The following CNTN4 variants were observed in gnomAD, a reference collection of about 807,000 sequenced individuals.
CNTN4 encodes contactin 4, also known as contactin-4.
A neutral mutation model predicts 122.5 loss-of-function variants in CNTN4; 77 were observed. The ratio of observed to expected loss-of-function variants is 0.63; its 90% CI spans 0.52 to 0.76. The LOEUF (loss-of-function observed/expected upper bound fraction) is 0.76, where lower values mean the gene tolerates loss of function less well. Among genes scored for constraint, CNTN4 ranks in the 30% least tolerant of loss-of-function variants. The probability of loss-of-function intolerance (pLI) is 0.00; values close to 1 mark genes in which losing one functional copy is unlikely to be tolerated. For synonymous variants in CNTN4, 512 were observed against 447.0 expected (o/e 1.15, Z -1.83); for missense variants, 1,256 against 1,259.1 (o/e 1.00, Z 0.04).
At chr3:2,255,464 C>G (rs1227451071) in intron 2 of CNTN4, among the ~76,000 whole-genome samples, 1 of 152,134 alleles carries the variant, frequency 6.6e-6, no homozygotes, top group Non-Finnish European at 1.5e-5. Flanking sequence ...CTCTCCACCC[C>G]AAATCCACAG....
chr3:2,925,815 C>G (rs757030884), intron 13 of CNTN4, 36 bp downstream of exon 13: 33 of 1,566,196 alleles, frequency 2.1e-5, no homozygotes, highest in Non-Finnish European at 2.6e-5. Context: ...TTTGGTTAAC[C>G]TGTAAAAATG....
At chr3:2,949,740 T>C (rs1490420290) in intron 13 of CNTN4, among the ~76,000 whole-genome samples, 2 of 152,228 alleles carry the variant, frequency 1.3e-5, no homozygotes, top group African/African-American at 4.8e-5. Flanking sequence ...AGTTACCCCA[T>C]ATCTTTTCAA....
In CNTN4 at chr3:2,709,922, A is replaced by G. The variant is rs2087017636; in HGVS notation, c.56-26293A>G. Reference sequence around the variant, plus strand: ...CTCAAACATATAAATACAAAAAAAAAATAAGAATAAACTCCAAAGAGCATG... The same window carrying G: ...CTCAAACATATAAATACAAAAAAAAGATAAGAATAAACTCCAAAGAGCATG... On this transcript the variant is annotated intron_variant, in intron 4 of 24. Coordinates refer to ENST00000418658, the MANE Select transcript of CNTN4 (RefSeq NM_175607.3). This position sits in a 1 kb window ranked among gnomAD's most constrained non-coding sequence, Gnocchi z 5.0. Among the ~76,000 whole-genome samples the G allele has an allele frequency of 6.6e-6, 1 of 152,076 alleles. No homozygotes were observed. Among genetic ancestry groups the G allele is most frequent in the Admixed American group, 6.6e-5 (1 of 15,262 alleles).
rs114675575 is a variant in CNTN4 at position 2,558,392 on chromosome 3, G to A, written c.-88-13024G>A. Among the ~76,000 whole-genome samples, 332 of 152,098 alleles carry A rather than the reference G, an allele frequency of 2.2e-3. 4 individuals carry two copies. The highest frequency in any genetic ancestry group is 7.5e-3 in the African/African-American group (310 of 41,494). On this transcript the variant is annotated intron_variant, in intron 3 of 24. Coordinates refer to ENST00000418658, the MANE Select transcript of CNTN4 (RefSeq NM_175607.3). The stretch of plus-strand genomic sequence containing the variant: ...AGTCTGTGCCAGTTCCTGAGCCTTC[G>A]CCTGCCTTTTGTGATCCTGACACTT...
At chr3:2,706,548 TTATG>T (rs2086749762) in intron 4 of CNTN4, among the ~76,000 whole-genome samples, 1 of 152,112 alleles carries the variant, frequency 6.6e-6, no homozygotes, top group African/African-American at 2.4e-5. Context: ...TTTGCACACT[TTATG>T]TAATATTGGG....
At chr3:2,275,249 A>G (rs1021052617) in intron 2 of CNTN4, among the ~76,000 whole-genome samples, 3 of 152,180 alleles carry the variant, frequency 2.0e-5, no homozygotes, top group African/African-American at 4.8e-5. Context: ...CACTCTTTTC[A>G]TGTGGACTTT....
chr3:2,879,345 C>A (rs143448134), intron 8 of CNTN4, among the ~76,000 whole-genome samples: 1 of 152,268 alleles, frequency 6.6e-6, no homozygotes, highest in African/African-American at 2.4e-5. Context: ...CTGTCAACAC[C>A]TTTATTTATG....
intron 4 of CNTN4, among the ~76,000 whole-genome samples, chr3:2,599,879 T>C (rs891038613): frequency 6.6e-6 from 1 of 152,124 alleles, no homozygotes; most frequent in Non-Finnish European, 1.5e-5. Flanking sequence ...AAGCTTGAGT[T>C]ACTTATTAGC....
At chr3:2,330,492 G>C (rs912323958) in intron 2 of CNTN4, among the ~76,000 whole-genome samples, 1 of 152,088 alleles carries the variant, frequency 6.6e-6, no homozygotes, top group African/African-American at 2.4e-5. Flanking sequence ...AGATTCCAGG[G>C]ATTTTAGGAG....
At chr3:2,940,245 C>T (rs1200951796) in intron 13 of CNTN4, among the ~76,000 whole-genome samples, 2 of 152,110 alleles carry the variant, frequency 1.3e-5, no homozygotes, top group Non-Finnish European at 2.9e-5. Flanking sequence ...AACGGAGAAC[C>T]ACGAAATAGG....
At chr3:2,159,808 G>A (rs1353056155) in intron 2 of CNTN4, among the ~76,000 whole-genome samples, 2 of 151,524 alleles carry the variant, frequency 1.3e-5, no homozygotes, top group African/African-American at 2.4e-5. Context: ...TGAATAATAA[G>A]GTCAATTTGA....
At chr3:2,459,161 C>A (rs111366348) in intron 3 of CNTN4, among the ~76,000 whole-genome samples, 10 of 152,190 alleles carry the variant, frequency 6.6e-5, no homozygotes, top group African/African-American at 2.4e-4. Flanking sequence ...TGATCTGCCC[C>A]ATGGTGATGC....
intron 4 of CNTN4, among the ~76,000 whole-genome samples, chr3:2,572,529 G>C (rs2079470568): frequency 6.6e-6 from 1 of 152,230 alleles, no homozygotes; most frequent in Admixed American, 6.5e-5. Context: ...GCGGGAATTG[G>C]TTTGCAGCTT....
intron 2 of CNTN4, among the ~76,000 whole-genome samples, chr3:2,181,813 G>A (rs557933999): frequency 5.3e-5 from 8 of 152,108 alleles, no homozygotes; most frequent in South Asian, 4.1e-4. Flanking sequence ...ATAAATTCCC[G>A]GTCAGAGAAA....
At chr3:2,169,552 GCC>G (rs2036359004) in intron 2 of CNTN4, among the ~76,000 whole-genome samples, 1 of 150,956 alleles carries the variant, frequency 6.6e-6, no homozygotes, top group Non-Finnish European at 1.5e-5. Context: ...GACTACAGGC[GCC>G]GCCACCACGC....
At chr3:2,569,492 A>G (rs2079325961) in intron 3 of CNTN4, among the ~76,000 whole-genome samples, 1 of 152,194 alleles carries the variant, frequency 6.6e-6, no homozygotes, top group Non-Finnish European at 1.5e-5. Flanking sequence ...TATACCATAA[A>G]TATATACAAT....
At chr3:2,440,256 G>A (rs1266897807) in intron 3 of CNTN4, among the ~76,000 whole-genome samples, 1 of 151,982 alleles carries the variant, frequency 6.6e-6, no homozygotes, top group African/African-American at 2.4e-5. Context: ...CTATCGCAAG[G>A]ACAAAAAAAC....
At position 2,203,619 on chromosome 3, in the gene CNTN4, G is replaced by C. The variant is rs11921530; in HGVS notation, c.-145+102980G>C. On this transcript the variant is annotated intron_variant, in intron 2 of 24. Coordinates refer to ENST00000418658, the MANE Select transcript of CNTN4 (RefSeq NM_175607.3). ...AGAGAAAATGTACCTGCTCCAGTAC[G>C]TTCCTGAATAGATGTATCCTTATAC... is the stretch of plus-strand genomic sequence containing the variant. Among the ~76,000 whole-genome samples, 396 of 152,192 alleles carry C rather than the reference G, an allele frequency of 2.6e-3. 1 individual carries two copies. The highest frequency in any genetic ancestry group is 4.9e-3 in the Non-Finnish European group (330 of 68,022).
rs1233338852 is a variant in CNTN4 at position 2,849,416 on chromosome 3, A to G, written c.455-17336A>G. Among the ~76,000 whole-genome samples, 3 of 152,326 alleles carry G rather than the reference A, an allele frequency of 2.0e-5. No homozygotes were observed. The East Asian group carries it at 5.8e-4, about 29-fold the overall frequency. The stretch of plus-strand genomic sequence containing the variant: ...CAAATGATTAAAATGGTAAACTTTT[A>G]TATGTATTTTGCCACACTAATTTTT... On this transcript the variant is annotated intron_variant, in intron 7 of 24. Coordinates refer to ENST00000418658, the MANE Select transcript of CNTN4 (RefSeq NM_175607.3).
Sources: gnomAD v4.1 joint callset for allele counts (sites outside exome capture counted in the v4.1 genomes callset) on GRCh38, gnomAD v4.1.1 for gene constraint, Gnocchi (gnomAD v3.1) non-coding constraint, MANE v1.5 for transcripts, NCBI Gene and HGNC (gene_info 2026-07-23, HGNC 2026-07-21) for gene names.